Variants in TMEM108 observed in about 807,000 individuals in gnomAD.
The protein encoded by TMEM108 is cancer/testis antigen 124.
TMEM108 carries 12 observed loss-of-function variants against 35.1 expected under a neutral mutation model. That is an observed-to-expected ratio of 0.34 (90% CI 0.22 to 0.55). TMEM108 has a LOEUF of 0.55. TMEM108 is among the 20% of genes least tolerant of loss of function. TMEM108 has a pLI of 0.89. For synonymous variants in TMEM108, 287 were observed against 308.6 expected (o/e 0.93, Z 0.73); for missense variants, 680 against 753.3 (o/e 0.90, Z 1.14).
chr3:133,144,256 A>G (rs1944683700), intron 2 of TMEM108, among the ~76,000 whole-genome samples: 1 of 151,976 alleles, frequency 6.6e-6, no homozygotes, highest in African/African-American at 2.4e-5. Context: ...GTTTGCTGAG[A>G]ATGATGGTTT....
At chr3:133,078,075 G>A (rs537471694) in intron 2 of TMEM108, among the ~76,000 whole-genome samples, 4 of 151,742 alleles carry the variant, frequency 2.6e-5, no homozygotes, top group Non-Finnish European at 5.9e-5. Flanking sequence ...TGGAGGGATG[G>A]CAAAATGGGG....
Position 133,229,288 on chromosome 3 carries a change from G to A in TMEM108, c.-24G>A. The A allele has an allele frequency of 6.2e-7, 1 of 1,609,216 alleles. No homozygotes were observed. ...TAGACAGAATCATGAATAAACTGGA[G>A]GATAAGCAGGACCAGATGATACCAT... On this transcript the variant is annotated 5_prime_UTR_variant, in exon 3 of 6. Coordinates refer to ENST00000321871, the MANE Select transcript of TMEM108 (RefSeq NM_023943.4).
intron 3 of TMEM108, among the ~76,000 whole-genome samples, chr3:133,337,622 T>C (rs2071536034): frequency 6.6e-6 from 1 of 152,152 alleles, no homozygotes; most frequent in African/African-American, 2.4e-5. Context: ...AATAAATACC[T>C]AATTCTTTAA....
intron 2 of TMEM108, among the ~76,000 whole-genome samples, chr3:133,228,206 AAGAT>A (rs1946102495): frequency 2.0e-5 from 3 of 152,156 alleles, no homozygotes; most frequent in South Asian, 4.1e-4. Context: ...AAAAAAATTA[AAGAT>A]AGATAGATAG....
At position 133,346,474 on chromosome 3, in the gene TMEM108, G is replaced by T. The variant is rs559335555; in HGVS notation, c.41-33278G>T. On this transcript the variant is annotated intron_variant, in intron 3 of 5. Transcript: ENST00000321871. The surrounding 1 kb of genome is among the most constrained non-coding windows in gnomAD (Gnocchi z 4.0). Reference sequence around the variant, plus strand: ...TATCTGTATTATCTTCATTGGTGAGGTATCTGTTCAGATCTCTTGCCCAAT... The same window carrying T: ...TATCTGTATTATCTTCATTGGTGAGTTATCTGTTCAGATCTCTTGCCCAAT... 6.6e-6 allele frequency among the ~76,000 whole-genome samples: 1 copy of T among 151,942 alleles called. No homozygotes were observed. The highest frequency in any genetic ancestry group is 2.4e-5 in the African/African-American group (1 of 41,500).
chr3:133,120,533 C>A (rs1944339940), intron 2 of TMEM108, among the ~76,000 whole-genome samples: 1 of 152,178 alleles, frequency 6.6e-6, no homozygotes, highest in African/African-American at 2.4e-5. Flanking sequence ...ATGGTTATTG[C>A]TTTATGCCTA....
chr3:133,212,250 C>T (rs931447143), intron 2 of TMEM108, among the ~76,000 whole-genome samples: 4 of 152,270 alleles, frequency 2.6e-5, no homozygotes, highest in Non-Finnish European at 5.9e-5. Context: ...TAATTGTCAG[C>T]ATTTTAAAAT....
rs545312938 is a variant in TMEM108 at position 133,087,288 on chromosome 3, C to G, written c.-47+41268C>G. Among the ~76,000 whole-genome samples, 6 of 152,302 alleles carry G rather than the reference C, an allele frequency of 3.9e-5. No individual in the cohort carries two copies. The South Asian group carries it at 1.2e-3, about 32-fold the overall frequency. On this transcript the variant is annotated intron_variant, in intron 2 of 5. Coordinates refer to ENST00000321871, the MANE Select transcript of TMEM108 (RefSeq NM_023943.4). ...GCTACCTCTGGGAGTTCCTCTGAACCTTACCATCCCATGCACCTCTCTTGT... is the reference window on the plus strand; with the variant it reads ...GCTACCTCTGGGAGTTCCTCTGAACGTTACCATCCCATGCACCTCTCTTGT...
chr3:133,272,543 A>G (rs76603553), intron 3 of TMEM108, among the ~76,000 whole-genome samples: 2,174 of 152,212 alleles, frequency 0.014, 63 homozygotes, highest in African/African-American at 0.05. Flanking sequence ...AGCCAAGTCT[A>G]GGACCAAGGC....
intron 2 of TMEM108, among the ~76,000 whole-genome samples, chr3:133,067,956 G>C (rs1943631155): frequency 6.6e-6 from 1 of 152,024 alleles, no homozygotes; most frequent in Non-Finnish European, 1.5e-5. Flanking sequence ...AGCATCTGGT[G>C]TGGGTCATCC....
intron 2 of TMEM108, among the ~76,000 whole-genome samples, chr3:133,169,061 G>A (rs941054647): frequency 3.3e-5 from 5 of 152,198 alleles, no homozygotes; most frequent in African/African-American, 4.8e-5. Context: ...AACACTCACC[G>A]TGAGGGTCTG....
intron 2 of TMEM108, among the ~76,000 whole-genome samples, chr3:133,113,934 C>T (rs1300843584): frequency 6.6e-6 from 1 of 152,168 alleles, no homozygotes; most frequent in African/African-American, 2.4e-5. Context: ...GATTCTGGGG[C>T]TTTCTGGATG....
chr3:133,050,779 T>C (rs991984129), intron 2 of TMEM108, among the ~76,000 whole-genome samples: 1 of 152,028 alleles, frequency 6.6e-6, no homozygotes, highest in Non-Finnish European at 1.5e-5. Flanking sequence ...CTTTTCAGAT[T>C]GGCTTATTTT....
rs368107986 is a variant in TMEM108, at chr3:133,332,910, C to A, written c.41-46842C>A. On this transcript the variant is annotated intron_variant, in intron 3 of 5. Coordinates refer to ENST00000321871, the MANE Select transcript of TMEM108 (RefSeq NM_023943.4). Reference sequence around the variant, plus strand: ...CCTTGTAGTGCTCCAAGTATCAGATCCCTGAGGGTTTGTCAAAGAATTAGA... The same window carrying A: ...CCTTGTAGTGCTCCAAGTATCAGATACCTGAGGGTTTGTCAAAGAATTAGA... Among the ~76,000 whole-genome samples the A allele has an allele frequency of 1.1e-4, 16 of 152,326 alleles. No homozygotes were observed. The East Asian group carries it at 2.9e-3, about 28-fold the overall frequency.
intron 3 of TMEM108, among the ~76,000 whole-genome samples, chr3:133,362,464 C>A (rs577436898): frequency 6.6e-6 from 1 of 152,314 alleles, no homozygotes; most frequent in African/African-American, 2.4e-5. Context: ...GTCATACCCA[C>A]ACCATGGTGC....
chr3:133,041,518 C>A (rs1943276268), intron 1 of TMEM108, among the ~76,000 whole-genome samples: 1 of 152,066 alleles, frequency 6.6e-6, no homozygotes, highest in Non-Finnish European at 1.5e-5. Context: ...CTATGTCAGC[C>A]CTCAAACGAA....
At chr3:133,230,209 A>C (rs1207122980) in intron 3 of TMEM108, among the ~76,000 whole-genome samples, 1 of 152,222 alleles carries the variant, frequency 6.6e-6, no homozygotes, top group Non-Finnish European at 1.5e-5. Flanking sequence ...TTTTGTTGAG[A>C]GAATAAAATG....
intron 2 of TMEM108, among the ~76,000 whole-genome samples, chr3:133,206,144 C>T (rs1349612141): frequency 2.0e-5 from 3 of 152,142 alleles, no homozygotes; most frequent in African/African-American, 7.2e-5. Flanking sequence ...TTTTTCAGCT[C>T]CATCAGGTCA....
At chr3:133,277,328 A>G (rs564049087) in intron 3 of TMEM108, among the ~76,000 whole-genome samples, 8 of 152,332 alleles carry the variant, frequency 5.3e-5, no homozygotes, top group African/African-American at 1.7e-4. Flanking sequence ...AAAAAAAAAT[A>G]CAGTCATGCA....
Sources: gnomAD v4.1 joint callset for allele counts (sites outside exome capture counted in the v4.1 genomes callset) on GRCh38, gnomAD v4.1.1 for gene constraint, Gnocchi (gnomAD v3.1) non-coding constraint, MANE v1.5 for transcripts, NCBI Gene and HGNC (gene_info 2026-07-23, HGNC 2026-07-21) for gene names.